Variants in CDH13 observed in about 807,000 individuals in gnomAD.
The protein encoded by CDH13 is cadherin 13.
CDH13 carries 24 observed loss-of-function variants against 63.8 expected under a neutral mutation model. The observed-to-expected ratio is 0.38, with a 90% CI of 0.27 to 0.53. The LOEUF (loss-of-function observed/expected upper bound fraction) is 0.53. CDH13 is among the 20% of genes least tolerant of loss of function. CDH13 has a pLI of 0.85. For synonymous variants in CDH13, 503 were observed against 355.3 expected (o/e 1.42, Z -4.67); for missense variants, 1,049 against 903.1 (o/e 1.16, Z -2.07).
chr16:83,140,977 C>T (rs934424643), intron 4 of CDH13, among the ~76,000 whole-genome samples: 28 of 152,320 alleles, frequency 1.8e-4, no homozygotes, highest in African/African-American at 6.7e-4. Flanking sequence ...GCTAAACAGA[C>T]AATTTTCACA....
chr16:82,633,438 G>A (rs111278305), intron 1 of CDH13, among the ~76,000 whole-genome samples: 16 of 152,230 alleles, frequency 1.1e-4, no homozygotes, highest in African/African-American at 3.6e-4. Flanking sequence ...GGAGTGCGGT[G>A]GCGCGATGTC....
At chr16:83,475,453 T>C (rs192307954) in intron 6 of CDH13, among the ~76,000 whole-genome samples, 3 of 152,324 alleles carry the variant, frequency 2.0e-5, no homozygotes, top group African/African-American at 7.2e-5. Context: ...ATCTGCCCCT[T>C]GAAGTGAACC....
chr16:83,725,701 A>G (rs1469578190), intron 10 of CDH13: 1 of 152,238 alleles, frequency 6.6e-6, no homozygotes, highest in Non-Finnish European at 1.5e-5. Flanking sequence ...TTTAATGACT[A>G]ATTTCTAATG....
intron 1 of CDH13, among the ~76,000 whole-genome samples, chr16:82,805,450 T>G (rs147374427): frequency 6.6e-6 from 1 of 152,136 alleles, no homozygotes; most frequent in African/African-American, 2.4e-5. Flanking sequence ...AAGAAACAGA[T>G]GTATGAGGCC....
At chr16:83,567,401 C>G (rs745592715) in intron 7 of CDH13, among the ~76,000 whole-genome samples, 1 of 152,100 alleles carries the variant, frequency 6.6e-6, no homozygotes, top group Non-Finnish European at 1.5e-5. Context: ...TGTAAAATTG[C>G]AAATATCTGC....
chr16:83,087,671 C>CAAAAAAAAAAAAAAAAAAAAAA (rs67228844), intron 3 of CDH13, among the ~76,000 whole-genome samples: 1 of 44,000 alleles, frequency 2.3e-5, no homozygotes, highest in African/African-American at 8.7e-5. Context: ...CCCTCCGTCT[C>CAAAAAAAAAAAAAAAAAAAAAA]AAAAAAAAAA....
intron 6 of CDH13, among the ~76,000 whole-genome samples, chr16:83,483,186 C>G (rs1175174351): frequency 6.6e-6 from 1 of 152,116 alleles, no homozygotes; most frequent in Non-Finnish European, 1.5e-5. Flanking sequence ...ATGCTGCAAA[C>G]CTATTTACAT....
At chr16:83,286,755 C>CAA (rs35774290) in intron 5 of CDH13, among the ~76,000 whole-genome samples, 166 of 128,124 alleles carry the variant, frequency 1.3e-3, no homozygotes, top group Middle Eastern at 3.8e-3. Context: ...GACTCTGTCT[C>CAA]AAAAAAAAAA....
chr16:83,389,028 G>T (rs1320765430), intron 6 of CDH13, among the ~76,000 whole-genome samples: 1 of 152,166 alleles, frequency 6.6e-6, no homozygotes, highest in Non-Finnish European at 1.5e-5. Flanking sequence ...AGTCAGAGCC[G>T]ACAGGGAAGG....
intron 5 of CDH13, among the ~76,000 whole-genome samples, chr16:83,267,925 G>A (rs1012817117): frequency 1.3e-5 from 2 of 152,188 alleles, no homozygotes; most frequent in African/African-American, 4.8e-5. Flanking sequence ...ACCAAGTGAA[G>A]TGTCTCTCAG....
chr16:83,185,920 A>G (rs2151749460), intron 4 of CDH13, among the ~76,000 whole-genome samples: 1 of 152,246 alleles, frequency 6.6e-6, no homozygotes, highest in Middle Eastern at 3.4e-3. Context: ...TTATCCATGG[A>G]GTATGTCCGA....
chr16:83,185,577 A>G (rs2038492921), intron 4 of CDH13, among the ~76,000 whole-genome samples: 1 of 152,236 alleles, frequency 6.6e-6, no homozygotes. Context: ...ATACTTGAAC[A>G]GTATCACTTC....
intron 7 of CDH13, among the ~76,000 whole-genome samples, chr16:83,528,219 C>T (rs2075005827): frequency 6.6e-6 from 1 of 152,212 alleles, no homozygotes; most frequent in African/African-American, 2.4e-5. Flanking sequence ...TAAGTAATAT[C>T]CCTGCAGCTA....
At chr16:83,349,007 T>G (rs1000880613) in intron 6 of CDH13, among the ~76,000 whole-genome samples, 1 of 152,190 alleles carries the variant, frequency 6.6e-6, no homozygotes, top group East Asian at 1.9e-4. Context: ...TCGAATGCCC[T>G]CGGCACCAAT....
chr16:82,864,638 C>T (rs534370229), intron 2 of CDH13, among the ~76,000 whole-genome samples: 1 of 152,254 alleles, frequency 6.6e-6, no homozygotes, highest in African/African-American at 2.4e-5. Context: ...CCCCTTGAAA[C>T]GTGAGGATTA....
intron 2 of CDH13, among the ~76,000 whole-genome samples, chr16:83,020,259 T>C (rs186495293): frequency 0.03 from 4,598 of 152,288 alleles, 99 homozygotes; most frequent in Non-Finnish European, 0.045. Context: ...TCCTGGCCTT[T>C]TATTCTGGTT....
At chr16:83,009,415 C>G (rs1231953442) in intron 2 of CDH13, among the ~76,000 whole-genome samples, 1 of 152,172 alleles carries the variant, frequency 6.6e-6, no homozygotes, top group African/African-American at 2.4e-5. Flanking sequence ...ATTACACTTG[C>G]AACTATTGTA....
At chr16:83,305,418 A>G (rs2089851520) in intron 5 of CDH13, among the ~76,000 whole-genome samples, 4 of 152,244 alleles carry the variant, frequency 2.6e-5, no homozygotes, top group Admixed American at 1.3e-4. Context: ...TGGAAGGACC[A>G]TTTTTAATCT....
At chr16:83,530,417 C>T (rs560186879) in intron 7 of CDH13, among the ~76,000 whole-genome samples, 1 of 152,256 alleles carries the variant, frequency 6.6e-6, no homozygotes, top group Non-Finnish European at 1.5e-5. Flanking sequence ...AAAGTTGCTT[C>T]GTAGTCACGG....
Sources: allele counts gnomAD v4.1 joint callset (sites outside exome capture counted in the v4.1 genomes callset), GRCh38; gene constraint gnomAD v4.1.1; transcripts MANE v1.5; gene names NCBI Gene and HGNC (gene_info 2026-07-23, HGNC 2026-07-21).